The following SCML4 variants were observed in gnomAD, a reference collection of about 807,000 sequenced individuals.
SCML4 encodes the protein Scm polycomb group protein like 4.
A neutral mutation model predicts 41.1 loss-of-function variants in SCML4; 34 were observed. The ratio of observed to expected loss-of-function variants is 0.83; its 90% CI spans 0.63 to 1.10. SCML4 has a LOEUF of 1.10. Among genes scored for constraint, SCML4 ranks in the 50% least tolerant of loss-of-function variants. The pLI is 0.00. For synonymous variants in SCML4, 214 were observed against 220.9 expected, an observed-to-expected ratio of 0.97 and a Z score of 0.28; for missense variants, 522 against 534.1, an observed-to-expected ratio of 0.98 and a Z score of 0.22.
chr6:107,803,235 G>C (rs9400147), intron 1 of SCML4, among the ~76,000 whole-genome samples: 10 of 7,836 alleles, frequency 1.3e-3, no homozygotes, highest in Admixed American at 2.0e-3. Context: ...GCCTCTGCCC[G>C]GCCGCCCTGT....
At chr6:107,784,388 CT>C (rs1781725891) in intron 1 of SCML4, among the ~76,000 whole-genome samples, 1 of 152,122 alleles carries the variant, frequency 6.6e-6, no homozygotes. Context: ...GAGAGAATGA[CT>C]TTTAAGATAA....
chr6:107,819,752 G>A (rs1411988121), intron 1 of SCML4, among the ~76,000 whole-genome samples: 7 of 151,662 alleles, frequency 4.6e-5, no homozygotes, highest in Admixed American at 3.9e-4. Flanking sequence ...AGAGTAAGAG[G>A]AGTTTATATG....
chr6:107,720,919 A>G lies in SCML4; in HGVS notation c.757T>C (p.Ser253Pro), dbSNP rs775500497. 1 of 1,614,130 alleles carries G rather than the reference A, an allele frequency of 6.2e-7. No individual in the cohort carries two copies. Among genetic ancestry groups the G allele is most frequent in the Admixed American group, 1.7e-5 (1 of 60,020 alleles). ...MNRYSVDTSA[S>P]TFNHRGSLHP... ...AAGGAGCCCCTGTGGTTAAAGGTGG[A>G]GGCGGAGGTGTCCACGCTGTAGCGG... Residue 253 changes from serine to proline, a missense_variant, in exon 6 of 8, where the codon TCC becomes CCC. Transcript: ENST00000369020.
In SCML4 at chr6:107,705,212, T is replaced by G. The variant is rs1313592782; in HGVS notation, c.1233A>C (p.Gln411His). Residue 411 changes from glutamine (Q) to histidine (H), a missense_variant, in exon 8 of 8, where the codon CAA becomes CAC. By Grantham distance (24) the Gln-to-His change is conservative. Coordinates refer to ENST00000369020, the MANE Select transcript of SCML4 (RefSeq NM_198081.5). ...KLCYHIDKLK[Q>H]AKF ...CTTTTTAAAAAAGTCAGAACTTGGC[T>G]TGCTTCAGTTTGTCAATGTGGTAGC... The G allele has an allele frequency of 2.6e-6, 4 of 1,551,544 alleles. No individual in the cohort carries two copies. Among genetic ancestry groups the G allele is most frequent in the Non-Finnish European group, 3.5e-6 (4 of 1,146,932 alleles).
At chr6:107,725,199 T>C (rs1192381578) in intron 5 of SCML4, among the ~76,000 whole-genome samples, 1 of 152,242 alleles carries the variant, frequency 6.6e-6, no homozygotes, top group African/African-American at 2.4e-5. Context: ...ATAATTCAAA[T>C]GGTTCTACAG....
At chr6:107,799,124 T>C (rs149457408) in intron 1 of SCML4, among the ~76,000 whole-genome samples, 46 of 152,312 alleles carry the variant, frequency 3.0e-4, no homozygotes, top group African/African-American at 1.1e-3. Flanking sequence ...TTGTAAGTAT[T>C]TCAGTTGTTC....
intron 1 of SCML4, among the ~76,000 whole-genome samples, chr6:107,781,751 G>T (rs1475648249): frequency 6.6e-6 from 1 of 152,110 alleles, no homozygotes; most frequent in East Asian, 1.9e-4. Context: ...TATCTTTACA[G>T]GAGTTGCAAG....
chr6:107,778,908 C>T (rs1160295552), intron 1 of SCML4, among the ~76,000 whole-genome samples: 1 of 152,016 alleles, frequency 6.6e-6, no homozygotes, highest in Non-Finnish European at 1.5e-5. Context: ...CGGCCGGGCG[C>T]GGTGGCTCAC....
At chr6:107,760,648 G>A (rs751703835) in intron 2 of SCML4, among the ~76,000 whole-genome samples, 1 of 152,152 alleles carries the variant, frequency 6.6e-6, no homozygotes, top group Admixed American at 6.5e-5. Flanking sequence ...CTGGAGAAAG[G>A]TTTCAAAGAA....
intron 5 of SCML4, among the ~76,000 whole-genome samples, chr6:107,736,303 C>A (rs912534151): frequency 6.6e-6 from 1 of 152,196 alleles, no homozygotes; most frequent in African/African-American, 2.4e-5. Flanking sequence ...ACAGGTGTAC[C>A]ACAAGCCCCT....
chr6:107,824,636 G>T (rs1370346036), upstream of SCML4, among the ~76,000 whole-genome samples: 1 of 152,040 alleles, frequency 6.6e-6, no homozygotes, highest in Non-Finnish European at 1.5e-5. Context: ...GTAATAACCT[G>T]AATTATGTCA....
At chr6:107,705,462 G>A (rs1172031131) in intron 7 of SCML4, 137 bp from the exon 8 acceptor site, 1 of 725,462 alleles carries the variant, frequency 1.4e-6, no homozygotes, top group East Asian at 2.7e-5. Context: ...TCTTGGTCCT[G>A]GGGCAAGGTC....
chr6:107,768,536 A>T (rs956689346), intron 2 of SCML4, among the ~76,000 whole-genome samples: 15 of 152,228 alleles, frequency 9.9e-5, no homozygotes, highest in African/African-American at 3.1e-4. Flanking sequence ...CTTGAGAAGC[A>T]TAATTGCTAT....
At chr6:107,822,970 T>C (rs1229026786) in intron 1 of SCML4, among the ~76,000 whole-genome samples, 1 of 151,714 alleles carries the variant, frequency 6.6e-6, no homozygotes, top group Non-Finnish European at 1.5e-5. Context: ...AGAATTCCTT[T>C]GTAGTTATTT....
In SCML4 at chr6:107,823,587, G is replaced by T. The variant is rs189103932; in HGVS notation, c.-60+539C>A. Among the ~76,000 whole-genome samples, 229 of 151,976 alleles carry T rather than the reference G, an allele frequency of 1.5e-3. 1 individual carries two copies. The highest frequency in any genetic ancestry group is 5.5e-3 in the African/African-American group (226 of 41,442). On this transcript the variant is annotated intron_variant, in intron 1 of 7. Transcript: ENST00000369020. ...ATAAATTAGGAAAAACCAGCACAAA[G>T]ACATGTGAAATATTCTACCTGGGAT...
intron 1 of SCML4, among the ~76,000 whole-genome samples, chr6:107,782,594 T>C (rs2114597666): frequency 6.6e-6 from 1 of 152,390 alleles, no homozygotes; most frequent in East Asian, 1.9e-4. Flanking sequence ...GTTGTTCCCC[T>C]AGTTCCTGTG....
At chr6:107,800,996 A>G (rs1219204399) in intron 1 of SCML4, among the ~76,000 whole-genome samples, 1 of 152,194 alleles carries the variant, frequency 6.6e-6, no homozygotes, top group Non-Finnish European at 1.5e-5. Context: ...CCCCTCTTCC[A>G]AGTTTCTGCG....
intron 7 of SCML4, among the ~76,000 whole-genome samples, chr6:107,706,754 G>A (rs1484392127): frequency 6.6e-6 from 1 of 152,200 alleles, no homozygotes; most frequent in Non-Finnish European, 1.5e-5. Context: ...GAGGACATCA[G>A]CAGTGAGAAC....
chr6:107,771,075 A>G (rs904772499), intron 2 of SCML4, among the ~76,000 whole-genome samples: 3 of 152,190 alleles, frequency 2.0e-5, no homozygotes, highest in Non-Finnish European at 4.4e-5. Context: ...ACCTCATGAG[A>G]TAGCTGAGTA....
Sources: allele counts gnomAD v4.1 joint callset (sites outside exome capture counted in the v4.1 genomes callset), GRCh38; gene constraint gnomAD v4.1.1; transcripts MANE v1.5; gene names NCBI Gene and HGNC (gene_info 2026-07-23, HGNC 2026-07-21).